The following CWF19L2 variants were observed in gnomAD, a reference collection of about 807,000 sequenced individuals.
The protein encoded by CWF19L2 is CWF19 like cell cycle control factor 2.
In CWF19L2, 98 loss-of-function variants were observed where a neutral mutation model predicts 111.7. The ratio of observed to expected loss-of-function variants is 0.88; its 90% CI spans 0.75 to 1.04. CWF19L2 has a LOEUF of 1.04. Ranked by LOEUF, CWF19L2 falls within the 50% of genes least tolerant of loss-of-function variation. The pLI is 0.00. For synonymous variants in CWF19L2, 351 were observed against 342.9 expected, an observed-to-expected ratio of 1.02 and a Z score of -0.26; for missense variants, 1,101 against 1,051.4, an observed-to-expected ratio of 1.05 and a Z score of -0.65.
At chr11:107,383,198 C>G (rs1860717636) in intron 12 of CWF19L2, among the ~76,000 whole-genome samples, 1 of 152,152 alleles carries the variant, frequency 6.6e-6, no homozygotes, top group African/African-American at 2.4e-5. Context: ...CAACTTGAAG[C>G]TGGGTGGTCA....
intron 16 of CWF19L2, among the ~76,000 whole-genome samples, chr11:107,334,295 A>G (rs1859890121): frequency 6.6e-6 from 1 of 152,216 alleles, no homozygotes; most frequent in South Asian, 2.1e-4. Flanking sequence ...AAGAGAAAAA[A>G]TCATTACCAG....
chr11:107,344,852 C>G (rs531265647), intron 14 of CWF19L2, among the ~76,000 whole-genome samples: 1 of 152,230 alleles, frequency 6.6e-6, no homozygotes, highest in African/African-American at 2.4e-5. Flanking sequence ...TAATACTGCT[C>G]CATCAGAAGA....
chr11:107,392,724 C>T, intron 11 of CWF19L2, 55 bp downstream of exon 11: 1 of 1,062,758 alleles, frequency 9.4e-7, no homozygotes, highest in Non-Finnish European at 1.4e-6. Context: ...CAAAGAAAGC[C>T]CCAAGGGGAA....
intron 6 of CWF19L2, among the ~76,000 whole-genome samples, chr11:107,438,314 A>G (rs1177418335): frequency 1.3e-5 from 2 of 152,234 alleles, no homozygotes; most frequent in East Asian, 1.9e-4. Context: ...ATTGTGTTAT[A>G]AAGTATGCTT....
chr11:107,373,098 C>A (rs1860538675), intron 12 of CWF19L2, among the ~76,000 whole-genome samples: 1 of 73,308 alleles, frequency 1.4e-5, no homozygotes, highest in Admixed American at 1.2e-4. Context: ...AGATTATATC[C>A]CGCACCTGGC....
At chr11:107,352,973 C>A (rs952967014) in intron 13 of CWF19L2, among the ~76,000 whole-genome samples, 2 of 152,158 alleles carry the variant, frequency 1.3e-5, no homozygotes, top group Admixed American at 6.5e-5. Flanking sequence ...CACTGACAGT[C>A]CTTCCTGAAA....
Position 107,457,454 on chromosome 11 carries a change from G to C in CWF19L2, c.105+258C>G, listed in dbSNP as rs115022888. 8.8e-3 allele frequency among the ~76,000 whole-genome samples: 1,341 copies of C among 152,244 alleles called. 14 individuals carry two copies. Among genetic ancestry groups the C allele is most frequent in the African/African-American group, 0.029 (1,220 of 41,528 alleles). On this transcript the variant is annotated intron_variant, in intron 1 of 17. Coordinates refer to ENST00000282251, the MANE Select transcript of CWF19L2 (RefSeq NM_152434.3). Reference sequence around the variant, plus strand: ...CCGAGTGATAGAAATGTAAAGAATGGGTAACTTAAAAGGTAAAGAAACTTG... The same window carrying C: ...CCGAGTGATAGAAATGTAAAGAATGCGTAACTTAAAAGGTAAAGAAACTTG...
At chr11:107,340,822 A>G (rs1431030429) in intron 14 of CWF19L2, among the ~76,000 whole-genome samples, 1 of 152,214 alleles carries the variant, frequency 6.6e-6, no homozygotes, top group Non-Finnish European at 1.5e-5. Flanking sequence ...TAAACATGAT[A>G]TATCTACATT....
intron 10 of CWF19L2, among the ~76,000 whole-genome samples, chr11:107,411,282 C>A (rs1861153976): frequency 6.6e-6 from 1 of 152,130 alleles, no homozygotes; most frequent in African/African-American, 2.4e-5. Flanking sequence ...AGTAACTTTG[C>A]AACTCTGAGA....
At position 107,361,221 on chromosome 11, in the gene CWF19L2, C is replaced by T. The variant is rs746177966; in HGVS notation, c.1873-7485G>A. Among the ~76,000 whole-genome samples the T allele has an allele frequency of 1.4e-4, 22 of 152,236 alleles. No homozygotes were observed. In the South Asian group the frequency reaches 1.5e-3, roughly 10 times the overall value. The stretch of plus-strand genomic sequence containing the variant: ...TTTACTGAAAAGAGTATCTTTTCCC[C>T]GGTGTATGTTCGTGTCAACTTTGTC... On this transcript the variant is annotated intron_variant, in intron 12 of 17. Coordinates refer to ENST00000282251, the MANE Select transcript of CWF19L2 (RefSeq NM_152434.3).
chr11:107,417,001 TG>T (rs1861236307), intron 9 of CWF19L2, among the ~76,000 whole-genome samples: 1 of 152,160 alleles, frequency 6.6e-6, no homozygotes, highest in Admixed American at 6.5e-5. Flanking sequence ...CTAGGACGAG[TG>T]GAAGTTCAGT....
At position 107,389,568 on chromosome 11, in the gene CWF19L2, C is replaced by G. The variant is rs182717811; in HGVS notation, c.1872+506G>C. Among the ~76,000 whole-genome samples, 30 of 152,180 alleles carry G rather than the reference C, an allele frequency of 2.0e-4. No homozygotes were observed. In the East Asian group the frequency reaches 5.6e-3, roughly 28 times the overall value. On this transcript the variant is annotated intron_variant, in intron 12 of 17. Transcript: ENST00000282251. ...CTGCAACAAAGAATGCTATTTGAAA[C>G]AAAAATTCATCCTACCCATAATGAC... is the stretch of plus-strand genomic sequence containing the variant.
intron 12 of CWF19L2, among the ~76,000 whole-genome samples, chr11:107,378,171 A>G (rs987877383): frequency 5.3e-5 from 8 of 150,268 alleles, no homozygotes; most frequent in African/African-American, 2.0e-4. Context: ...TGTTGGTGGG[A>G]CTGTCAACTA....
Position 107,392,841 on chromosome 11 carries a change from A to T in CWF19L2, c.1672T>A (p.Trp558Arg), listed in dbSNP as rs763114185. The T allele has an allele frequency of 1.3e-6, 2 of 1,594,174 alleles. No individual in the cohort carries two copies. Among genetic ancestry groups the T allele is most frequent in the Non-Finnish European group, 1.7e-6 (2 of 1,173,712 alleles). Residue 558 changes from tryptophan to arginine, a missense_variant, in exon 11 of 18, where the codon TGG (tryptophan) becomes AGG (arginine). Transcript: ENST00000282251. ...LVRTDQSGRV[W>R]PVNTPGKSLE... is the part of the protein sequence containing the mutation. ...GATTTTCCGGGTGTGTTCACAGGCCATACTCTTCCAGACTGATCTGTTCTG... is the reference window on the plus strand; with the variant it reads ...GATTTTCCGGGTGTGTTCACAGGCCTTACTCTTCCAGACTGATCTGTTCTG...
intron 10 of CWF19L2, among the ~76,000 whole-genome samples, chr11:107,410,692 T>C (rs536739449): frequency 2.0e-5 from 3 of 152,292 alleles, no homozygotes; most frequent in East Asian, 1.9e-4. Flanking sequence ...GGATGAGATA[T>C]AGCCTGTCAA....
chr11:107,427,513 G>C (rs973274951), intron 8 of CWF19L2, among the ~76,000 whole-genome samples: 5 of 151,982 alleles, frequency 3.3e-5, no homozygotes, highest in Admixed American at 3.3e-4. Context: ...CAAATATGCA[G>C]CAATCAGACA....
At chr11:107,355,577 G>A (rs1029481692) in intron 12 of CWF19L2, among the ~76,000 whole-genome samples, 8 of 152,048 alleles carry the variant, frequency 5.3e-5, no homozygotes, top group Non-Finnish European at 1.0e-4. Context: ...AGATTTCATA[G>A]CATATAGTAT....
intron 3 of CWF19L2, among the ~76,000 whole-genome samples, chr11:107,447,917 G>A (rs1287326733): frequency 6.6e-6 from 1 of 151,986 alleles, no homozygotes; most frequent in African/African-American, 2.4e-5. Flanking sequence ...AAGGGAAAAT[G>A]TAAAGATAAT....
chr11:107,437,767 T>C (rs1461042176), intron 6 of CWF19L2, among the ~76,000 whole-genome samples: 3 of 152,192 alleles, frequency 2.0e-5, no homozygotes, highest in African/African-American at 7.2e-5. Context: ...ACCTGTCAAC[T>C]GGCAAGATCC....
Sources: allele counts gnomAD v4.1 joint callset (sites outside exome capture counted in the v4.1 genomes callset), GRCh38; gene constraint gnomAD v4.1.1; transcripts MANE v1.5; gene names NCBI Gene and HGNC (gene_info 2026-07-23, HGNC 2026-07-21).